Variants in SDK1 observed in about 807,000 individuals in gnomAD.
The protein encoded by SDK1 is sidekick cell adhesion molecule 1.
SDK1 carries 157 observed loss-of-function variants against 245.5 expected under a neutral mutation model. The observed-to-expected ratio is 0.64, with a 90% CI of 0.56 to 0.73. The LOEUF is 0.73. Among genes scored for constraint, SDK1 ranks in the 30% least tolerant of loss-of-function variants. The probability of loss-of-function intolerance (pLI) is 0.00; values close to 1 mark genes in which losing one functional copy is unlikely to be tolerated. For missense variants in SDK1, 3,583 were observed against 3,002.3 expected (o/e 1.19, Z -4.52); for synonymous variants, 1,647 against 1,278.5 (o/e 1.29, Z -6.15).
intron 1 of SDK1, among the ~76,000 whole-genome samples, chr7:3,455,539 A>G (rs1780641043): frequency 6.6e-6 from 1 of 152,100 alleles, no homozygotes; most frequent in South Asian, 2.1e-4. Flanking sequence ...TGTTGAAAAG[A>G]CCATTCTTGC....
intron 35 of SDK1, 90 bp from the exon 36 acceptor site, chr7:4,205,789 G>T (rs1784181942): frequency 1.9e-6 from 2 of 1,035,336 alleles, no homozygotes; most frequent in Admixed American, 2.0e-5. Flanking sequence ...CGGAATTAGG[G>T]CATGCTCGAG....
intron 1 of SDK1, among the ~76,000 whole-genome samples, chr7:3,342,010 T>C (rs775914078): frequency 2.6e-5 from 4 of 152,184 alleles, no homozygotes; most frequent in Non-Finnish European, 5.9e-5. Context: ...GGAATCACTC[T>C]ACTGATATTA....
intron 1 of SDK1, among the ~76,000 whole-genome samples, chr7:3,485,683 G>GTTTTTTTGTTTTTTTTTTTTTTTTTTTT (rs1781666239): frequency 2.6e-5 from 1 of 38,178 alleles, no homozygotes. Flanking sequence ...TCTTTGGAGG[G>GTTTTTTTGTTTTTTTTTTTTTTTTTTTT]TTTTTTTTTT....
intron 5 of SDK1, among the ~76,000 whole-genome samples, chr7:3,902,608 A>G (rs1383542079): frequency 6.6e-6 from 1 of 152,034 alleles, no homozygotes; most frequent in Non-Finnish European, 1.5e-5. Flanking sequence ...TTGTAGGAAA[A>G]CTTTCCTGTG....
chr7:3,654,398 C>A (rs988125220), intron 4 of SDK1, among the ~76,000 whole-genome samples: 1 of 152,166 alleles, frequency 6.6e-6, no homozygotes. Context: ...GCGCTTTATT[C>A]CAGAGCCTCA....
intron 38 of SDK1, among the ~76,000 whole-genome samples, chr7:4,214,262 G>A (rs909534715): frequency 7.9e-5 from 12 of 152,212 alleles, no homozygotes; most frequent in African/African-American, 2.4e-4. Flanking sequence ...CTTCAGAGAT[G>A]GGGCTTGAGG....
chr7:4,007,668 G>C lies in SDK1; in HGVS notation c.2132-3298G>C, dbSNP rs544117631. The stretch of plus-strand genomic sequence containing the variant: ...CGCCCAGGCTGGAGTCCAGTGGCGC[G>C]GTCTCGACTCCCTACAACCTCCGCC... On this transcript the variant is annotated intron_variant, in intron 14 of 44. Coordinates refer to ENST00000404826, the MANE Select transcript of SDK1 (RefSeq NM_152744.4). Among the ~76,000 whole-genome samples, 9 of 152,110 alleles carry C rather than the reference G, an allele frequency of 5.9e-5. No homozygotes were observed. The South Asian group carries it at 1.0e-3, about 18-fold the overall frequency.
intron 1 of SDK1, among the ~76,000 whole-genome samples, chr7:3,351,340 A>G (rs1780655033): frequency 6.6e-6 from 1 of 152,228 alleles, no homozygotes; most frequent in Non-Finnish European, 1.5e-5. Context: ...ATTACTCAAC[A>G]CAAGGAGAAA....
At chr7:4,074,455 A>G (rs1780489302) in intron 20 of SDK1, among the ~76,000 whole-genome samples, 1 of 152,180 alleles carries the variant, frequency 6.6e-6, no homozygotes, top group Admixed American at 6.5e-5. Flanking sequence ...ATAGGATAAC[A>G]ATGGCTCCAA....
intron 2 of SDK1, among the ~76,000 whole-genome samples, chr7:3,638,553 A>G (rs977466282): frequency 6.8e-6 from 1 of 146,624 alleles, no homozygotes; most frequent in African/African-American, 2.5e-5. Flanking sequence ...CAAACACCGC[A>G]TGTTCTCACT....
At chr7:3,556,783 G>C (rs141526820) in intron 1 of SDK1, among the ~76,000 whole-genome samples, 5 of 152,144 alleles carry the variant, frequency 3.3e-5, no homozygotes, top group Non-Finnish European at 7.4e-5. Context: ...AGCAGAGTGA[G>C]ATTCTGTTTC....
chr7:3,504,043 G>A (rs1168714599), intron 1 of SDK1, among the ~76,000 whole-genome samples: 5 of 151,712 alleles, frequency 3.3e-5, no homozygotes, highest in Non-Finnish European at 7.4e-5. Flanking sequence ...TCAGCTACTC[G>A]GGAGGCTGAG....
chr7:3,842,857 G>A (rs968535165), intron 5 of SDK1, among the ~76,000 whole-genome samples: 1 of 152,124 alleles, frequency 6.6e-6, no homozygotes, highest in African/African-American at 2.4e-5. Flanking sequence ...TGTCTCCACA[G>A]AGTCAAGACA....
At chr7:3,476,150 A>G (rs1781342590) in intron 1 of SDK1, 1 of 152,624 alleles carries the variant, frequency 6.6e-6, no homozygotes, top group African/African-American at 2.4e-5. Context: ...CACTCATGAA[A>G]GGTTTTGGAG....
At chr7:3,714,390 T>C (rs1415277900) in intron 4 of SDK1, among the ~76,000 whole-genome samples, 1 of 152,230 alleles carries the variant, frequency 6.6e-6, no homozygotes, top group Non-Finnish European at 1.5e-5. Flanking sequence ...TGTTATTATC[T>C]TTTTTACTCT....
intron 38 of SDK1, among the ~76,000 whole-genome samples, 163 bp downstream of exon 38, chr7:4,210,325 T>C (rs756759323): frequency 2.0e-5 from 3 of 152,068 alleles, no homozygotes; most frequent in Non-Finnish European, 4.4e-5. Flanking sequence ...TGGAGCTGAG[T>C]GCGAGGGGAG....
intron 1 of SDK1, among the ~76,000 whole-genome samples, chr7:3,531,524 T>A (rs944184176): frequency 6.6e-6 from 1 of 152,228 alleles, no homozygotes; most frequent in African/African-American, 2.4e-5. Flanking sequence ...CAGTAGAGAA[T>A]GTAGTTTGGT....
intron 1 of SDK1, among the ~76,000 whole-genome samples, chr7:3,582,708 A>G (rs1200941283): frequency 1.4e-5 from 2 of 142,462 alleles, no homozygotes; most frequent in Non-Finnish European, 3.1e-5. Flanking sequence ...AAAAAAAAAA[A>G]AGGTACCATC....
At chr7:3,856,877 G>A (rs1780560742) in intron 5 of SDK1, among the ~76,000 whole-genome samples, 1 of 152,130 alleles carries the variant, frequency 6.6e-6, no homozygotes, top group Non-Finnish European at 1.5e-5. Flanking sequence ...TAACCATGTT[G>A]ATTAGGTTGA....
Sources: allele counts gnomAD v4.1 joint callset (sites outside exome capture counted in the v4.1 genomes callset), GRCh38; gene constraint gnomAD v4.1.1; transcripts MANE v1.5; gene names NCBI Gene and HGNC (gene_info 2026-07-23, HGNC 2026-07-21).